CHRNE: variants seen among roughly 807,000 people sequenced by gnomAD.
CHRNE encodes the protein acetylcholine receptor subunit epsilon.
A neutral mutation model predicts 56.5 loss-of-function variants in CHRNE; 58 were observed. The ratio of observed to expected loss-of-function variants is 1.03; its 90% CI spans 0.83 to 1.28. The LOEUF is 1.28. CHRNE is among the 50% of genes most tolerant of loss of function. The pLI is 0.00. For missense variants in CHRNE, 793 were observed against 688.9 expected (o/e 1.15, Z -1.69); for synonymous variants, 385 against 297.9 (o/e 1.29, Z -3.01).
chr17:4,905,972 C>T (rs1478935243), upstream of CHRNE, among the ~76,000 whole-genome samples: 1 of 152,230 alleles, frequency 6.6e-6, no homozygotes, highest in East Asian at 1.9e-4. Context: ...GTCTCCTGAT[C>T]TGTCTCTGCC....
chr17:4,902,621 C>T lies in CHRNE; in HGVS notation c.189G>A (p.Leu63=), dbSNP rs768469610. ...LKVTLTNLIS[L]NEKEETLTTS... ...TAAGATGAGGGTGGGGGTAGCTTAC[C>T]AGTGAGATGAGATTCGTCAGGGTGA... is the stretch of plus-strand genomic sequence containing the variant. Residue 63 remains leucine (L), a splice_region_variant and synonymous_variant, in exon 2 of 12, where the codon CTG becomes CTA. Transcript: ENST00000649488. The surrounding 1 kb of genome is among the most constrained non-coding windows in gnomAD (Gnocchi z 4.0). 9.9e-6 allele frequency: 16 copies of T among 1,613,980 alleles called. No individual in the cohort carries two copies. The Admixed American group carries it at 2.7e-4, about 27-fold the overall frequency.
intron 8 of CHRNE, chr17:4,900,165 A>G (rs1463905486): frequency 6.5e-7 from 1 of 1,547,342 alleles, no homozygotes; most frequent in Admixed American, 2.0e-5. Context: ...TGGGGGGCTT[A>G]GGATACGCGG....
chr17:4,900,851 A>G lies in CHRNE; in HGVS notation c.859T>C (p.Leu287=), dbSNP rs1969957668. 1.9e-6 allele frequency: 3 copies of G among 1,614,060 alleles called. No homozygotes were observed. Among genetic ancestry groups the G allele is most frequent in the Non-Finnish European group, 2.5e-6 (3 of 1,179,994 alleles). The change falls in exon 8 of 12, where the codon TTG becomes CTG. Residue 287 remains leucine, a synonymous_variant. Coordinates refer to ENST00000649488, the MANE Select transcript of CHRNE (RefSeq NM_000080.4). ...GGGATTTTCTGGGCAATGAGGAACA[A>G]GAAGACGGTCTGGGCGAGCAGGACG... The part of the protein sequence containing the change: ...INVLLAQTVF[L]FLIAQKIPET...
Position 4,902,110 on chromosome 17 carries a change from C to G in CHRNE, c.345-23G>C. ...ATACTGTGGGCTCGGGGAAACCGAG[C>G]TTTTTGCACAGGTCTGCACCCTCTC... On this transcript the variant is annotated intron_variant, in intron 4 of 11. Coordinates refer to ENST00000649488, the MANE Select transcript of CHRNE (RefSeq NM_000080.4). The surrounding 1 kb of genome is among the most constrained non-coding windows in gnomAD (Gnocchi z 4.0). 1 of 1,613,862 alleles carries G rather than the reference C, an allele frequency of 6.2e-7. No individual in the cohort carries two copies. Among genetic ancestry groups the G allele is most frequent in the Admixed American group, 1.7e-5 (1 of 60,008 alleles).
chr17:4,900,992 T>C lies in CHRNE; in HGVS notation c.800A>G (p.Gln267Arg), dbSNP rs780094155. 1.2e-6 allele frequency: 2 copies of C among 1,613,868 alleles called. No homozygotes were observed. Among genetic ancestry groups the C allele is most frequent in the Non-Finnish European group, 1.7e-6 (2 of 1,179,858 alleles). Residue 267 changes from glutamine to arginine, a missense_variant and splice_region_variant, in exon 7 of 12, where the codon CAG (glutamine) becomes CGG (arginine). Gln to Arg is a conservative substitution (Grantham distance 43). Transcript: ENST00000649488. ...LVLLAYFLPA[Q>R]AGGQKCTVSI... The stretch of plus-strand genomic sequence containing the variant: ...GTAGGTTCGGGGCCACTGCTTACCC[T>C]GCGCCGGCAGGAAGTAGGCGAGCAG...
chr17:4,899,607 T>C, intron 8 of CHRNE, 25 bp from the exon 9 acceptor site: 1 of 1,518,416 alleles, frequency 6.6e-7, no homozygotes, highest in Non-Finnish European at 9.0e-7. Context: ...AGGCATGACA[T>C]CACCGTTCCT....
chr17:4,905,697 C>A (rs1208037502), upstream of CHRNE, among the ~76,000 whole-genome samples: 1 of 151,968 alleles, frequency 6.6e-6, no homozygotes, highest in Non-Finnish European at 1.5e-5. Flanking sequence ...CCCATCTCTA[C>A]TAAAAACACA....
At chr17:4,903,132 T>C (rs1478162782), upstream of CHRNE, 11 of 1,524,172 alleles carry the variant, frequency 7.2e-6, no homozygotes, top group Non-Finnish European at 1.0e-5. Flanking sequence ...AGGGTGCCTG[T>C]GTGAGGGGGA....
At chr17:4,899,974 C>T in intron 8 of CHRNE, 3 of 1,551,544 alleles carry the variant, frequency 1.9e-6, no homozygotes, top group Non-Finnish European at 2.6e-6. Flanking sequence ...CCCTGGAACT[C>T]TCCGTGGCCG....
At chr17:4,908,598 C>A (rs1970118611) in intron 1 of CHRNE, among the ~76,000 whole-genome samples, 1 of 152,170 alleles carries the variant, frequency 6.6e-6, no homozygotes, top group Admixed American at 6.5e-5. Context: ...CAGGCACAGG[C>A]CTGCTAGCCA....
At position 4,899,596 on chromosome 17, in the gene CHRNE, A is replaced by G. The variant is rs375376258; in HGVS notation, c.918-14T>C. ...AAAATAAGGAACCTGAGGAGCCCGG[A>G]AGGCATGACATCACCGTTCCTCCTC... On this transcript the variant is annotated splice_polypyrimidine_tract_variant and intron_variant, in intron 8 of 11. Transcript: ENST00000649488. 3,392 of 1,544,984 alleles carry G rather than the reference A, an allele frequency of 2.2e-3. 7 individuals are homozygous for G. The highest frequency in any genetic ancestry group is 2.8e-3 in the Non-Finnish European group (3,184 of 1,136,596).
intron 1 of CHRNE, among the ~76,000 whole-genome samples, chr17:4,908,196 T>C (rs7214599): frequency 0.096 from 14,646 of 152,068 alleles, 722 homozygotes; most frequent in African/African-American, 0.11. Context: ...TAAAATGCAA[T>C]AGTTAACAAA....
chr17:4,907,566 C>CAAAAAAAA (rs34317332), upstream of CHRNE, among the ~76,000 whole-genome samples: 7 of 61,044 alleles, frequency 1.1e-4, no homozygotes, highest in African/African-American at 4.1e-4. Flanking sequence ...GACTCAGTCT[C>CAAAAAAAA]AAAAAAAAAA....
At chr17:4,907,873 C>G (rs963388280), upstream of CHRNE, among the ~76,000 whole-genome samples, 6 of 152,080 alleles carry the variant, frequency 3.9e-5, no homozygotes, top group Non-Finnish European at 8.8e-5. Flanking sequence ...GAAACCCTGT[C>G]TCTACTAAAA....
In CHRNE at chr17:4,900,680, G is replaced by A. The variant is rs1241679562; in HGVS notation, c.917+113C>T. 7 of 1,453,078 alleles carry A rather than the reference G, an allele frequency of 4.8e-6. No individual in the cohort carries two copies. The East Asian group carries it at 1.5e-4, about 31-fold the overall frequency. 90.0% of individuals were successfully genotyped at this position (1,453,078 alleles called of 1,614,324 possible). A position where few individuals can be genotyped will look rare whatever the true frequency, so the allele number is the denominator to read the frequency against. On this transcript the variant is annotated intron_variant, in intron 8 of 11. Coordinates refer to ENST00000649488, the MANE Select transcript of CHRNE (RefSeq NM_000080.4). ...CCCGTACCAGCCCCACCCAGCGTCCGAATAAAGCCCAGGGCGGGGCGAGAC... is the reference window on the plus strand; with the variant it reads ...CCCGTACCAGCCCCACCCAGCGTCCAAATAAAGCCCAGGGCGGGGCGAGAC...
At chr17:4,901,468 G>T in intron 6 of CHRNE, 57 bp downstream of exon 6, 1 of 1,522,978 alleles carries the variant, frequency 6.6e-7, no homozygotes, top group South Asian at 1.1e-5. Flanking sequence ...CACCGTGGAA[G>T]TCCCCTCTCT....
At chr17:4,903,423 T>C (rs34461890), upstream of CHRNE, among the ~76,000 whole-genome samples, 14,814 of 152,136 alleles carry the variant, frequency 0.097, 732 homozygotes, top group African/African-American at 0.12. Context: ...TAAGCTGCCC[T>C]GTGTAGGTGA....
At position 4,902,629 on chromosome 17, in the gene CHRNE, T is replaced by A. The variant is rs765180335; in HGVS notation, c.181A>T (p.Ile61Phe). The change falls in exon 2 of 12, where the codon ATC becomes TTC. Residue 61 changes from isoleucine (I) to phenylalanine (F), a missense_variant. Ile to Phe is a conservative substitution (Grantham distance 21). Coordinates refer to ENST00000649488, the MANE Select transcript of CHRNE (RefSeq NM_000080.4). This position sits in a 1 kb window ranked among gnomAD's most constrained non-coding sequence, Gnocchi z 4.0. ...GGGTGGGGGTAGCTTACCAGTGAGA[T>A]GAGATTCGTCAGGGTGACCTTGAGG... ...ISLKVTLTNL[I>F]SLNEKEETLT... The A allele has an allele frequency of 1.6e-5, 26 of 1,610,126 alleles. No individual in the cohort carries two copies. Among genetic ancestry groups the A allele is most frequent in the Admixed American group, 1.7e-5 (1 of 59,946 alleles).
Position 4,901,118 on chromosome 17 carries a change from G to A in CHRNE, c.674C>T (p.Pro225Leu), listed in dbSNP as rs776008550. The change falls in exon 7 of 12, where the codon CCA becomes CTA. Residue 225 changes from proline (P) to leucine (L), a missense_variant. Pro to Leu is a moderately conservative substitution (Grantham distance 98). Transcript: ENST00000649488. ...CGAGTAGATGACGTCAGTCTCCCCT[G>A]GGCCGTCGGTGGCGCCACCGTGGTG... is the stretch of plus-strand genomic sequence containing the variant. ...RRHHGGATDGPGETDVIYSLI... is the reference protein window; with the variant it reads ...RRHHGGATDGLGETDVIYSLI... 1 of 1,613,118 alleles carries A rather than the reference G, an allele frequency of 6.2e-7. No homozygotes were observed. The highest frequency in any genetic ancestry group is 8.5e-7 in the Non-Finnish European group (1 of 1,179,950).
Sources: allele counts gnomAD v4.1 joint callset (sites outside exome capture counted in the v4.1 genomes callset), GRCh38; gene constraint gnomAD v4.1.1; non-coding constraint Gnocchi (gnomAD v3.1); transcripts MANE v1.5; gene names NCBI Gene and HGNC (gene_info 2026-07-23, HGNC 2026-07-21).